PRKD2: variants seen among roughly 807,000 people sequenced by gnomAD.
PRKD2 encodes serine/threonine-protein kinase D2.
Under a neutral mutation model 86.0 loss-of-function variants are expected in PRKD2, and 22 were observed. The observed-to-expected ratio is 0.26, with a 90% confidence interval of 0.18 to 0.37. The LOEUF is 0.37. Ranked by LOEUF, PRKD2 falls within the 10% of genes least tolerant of loss-of-function variation. The probability of loss-of-function intolerance (pLI) is 1.00; values close to 1 mark genes in which losing one functional copy is unlikely to be tolerated. For missense variants in PRKD2, 818 were observed against 1,199.2 expected (o/e 0.68, Z 4.70); for synonymous variants, 509 against 510.9 (o/e 1.00, Z 0.05).
rs576754910 is a variant in PRKD2 at position 46,689,714 on chromosome 19, C to T, written c.1810-16G>A. The T allele has an allele frequency of 8.7e-6, 14 of 1,613,446 alleles. No homozygotes were observed. In the East Asian group the frequency reaches 1.3e-4, roughly 15 times the overall value. ...GCCGCAGGCTCTGCAGGGTGGGGAGCGGGGTCAGGGCCCAGGTAACCCACA... is the reference window on the plus strand; with the variant it reads ...GCCGCAGGCTCTGCAGGGTGGGGAGTGGGGTCAGGGCCCAGGTAACCCACA... On this transcript the variant is annotated splice_polypyrimidine_tract_variant and intron_variant, in intron 13 of 17. Transcript: ENST00000291281.
intron 14 of PRKD2, 49 bp downstream of exon 14, chr19:46,689,488 C>A: frequency 6.4e-7 from 1 of 1,553,102 alleles, no homozygotes. Flanking sequence ...CCTCTCCAAG[C>A]TGACACCTGA....
At position 46,690,591 on chromosome 19, in the gene PRKD2, G is replaced by A; in HGVS notation, c.1809+9C>T. 1.9e-6 allele frequency: 3 copies of A among 1,613,650 alleles called. No individual in the cohort carries two copies. Among genetic ancestry groups the A allele is most frequent in the Non-Finnish European group, 2.5e-6 (3 of 1,179,530 alleles). ...AAGAAGCAGAAAGGGAAGGCGGCCT[G>A]GTGGTTACCTGCAGAATGGCCACTT... On this transcript the variant is annotated intron_variant, in intron 13 of 17. Transcript: ENST00000291281.
rs2053676970 is a variant in PRKD2, at chr19:46,704,186, T to G, written c.872A>C (p.Gln291Pro). The change falls in exon 5 of 18, where the codon CAG becomes CCG. Residue 291 changes from glutamine to proline, a missense_variant. Around this residue, in one of 5 missense-constraint regions of PRKD2, gnomAD observed 403 missense variants for 518.6 expected, o/e 0.78. Coordinates refer to ENST00000291281, the MANE Select transcript of PRKD2 (RefSeq NM_016457.5). ...CKKLLKGLFR[Q>P]GLQCKDCKFN... ...CAGCTAACCTTTGCATTGCAGGCCC[T>G]GCCGGAAGAGGCCCTTGAGGAGTTT... 22 of 1,614,100 alleles carry G rather than the reference T, an allele frequency of 1.4e-5. No homozygotes were observed. The highest frequency in any genetic ancestry group is 1.8e-5 in the Non-Finnish European group (21 of 1,179,988).
intron 2 of PRKD2, among the ~76,000 whole-genome samples, chr19:46,712,103 T>C (rs2053818053): frequency 6.9e-6 from 1 of 145,376 alleles, no homozygotes; most frequent in South Asian, 2.2e-4. Context: ...AGTGTGGTGG[T>C]GCATGCCTGT....
chr19:46,679,111 G>A (rs1171257466), intron 15 of PRKD2, among the ~76,000 whole-genome samples: 2 of 152,140 alleles, frequency 1.3e-5, no homozygotes, highest in African/African-American at 2.4e-5. Context: ...GGGAGGCCAA[G>A]GAAGATGGAT....
At chr19:46,709,727 C>T (rs2053774984) in intron 3 of PRKD2, among the ~76,000 whole-genome samples, 1 of 151,992 alleles carries the variant, frequency 6.6e-6, no homozygotes, top group South Asian at 2.1e-4. Flanking sequence ...GAGAGGTGAT[C>T]CTGCTTGTTC....
intron 7 of PRKD2, among the ~76,000 whole-genome samples, chr19:46,698,257 C>T (rs1341937421): frequency 2.6e-5 from 4 of 152,120 alleles, no homozygotes; most frequent in African/African-American, 9.7e-5. Context: ...TCAACTCCTT[C>T]CCTAACTCCT....
intron 14 of PRKD2, among the ~76,000 whole-genome samples, chr19:46,682,225 C>A (rs962996734): frequency 6.6e-6 from 1 of 152,160 alleles, no homozygotes; most frequent in African/African-American, 2.4e-5. Context: ...CCAGGCTGGT[C>A]TCAAACTCCT....
At chr19:46,715,881 G>A (rs1241819674) in intron 1 of PRKD2, among the ~76,000 whole-genome samples, 1 of 152,180 alleles carries the variant, frequency 6.6e-6, no homozygotes, top group Non-Finnish European at 1.5e-5. Context: ...CCTGTTTGCT[G>A]CAGAAAACAA....
At chr19:46,695,785 C>T (rs1365730303) in intron 9 of PRKD2, among the ~76,000 whole-genome samples, 1 of 152,134 alleles carries the variant, frequency 6.6e-6, no homozygotes, top group Non-Finnish European at 1.5e-5. Context: ...CCCATAAAAC[C>T]AGGTGATGAC....
At chr19:46,710,144 G>A (rs903508933) in intron 3 of PRKD2, among the ~76,000 whole-genome samples, 4 of 151,934 alleles carry the variant, frequency 2.6e-5, no homozygotes, top group African/African-American at 9.7e-5. Flanking sequence ...TGATCCACCC[G>A]CCTCGGCCTC....
At chr19:46,689,440 T>TC in intron 14 of PRKD2, 97 bp downstream of exon 14, 1 of 1,365,654 alleles carries the variant, frequency 7.3e-7, no homozygotes. Flanking sequence ...CTATTGTGAC[T>TC]CCCCCAAGTG....
At chr19:46,697,522 T>C (rs919206801) in intron 8 of PRKD2, among the ~76,000 whole-genome samples, 2 of 136,808 alleles carry the variant, frequency 1.5e-5, no homozygotes, top group East Asian at 4.4e-4. Flanking sequence ...GACCTTGCCC[T>C]GAGCCCCGGG....
At chr19:46,713,803 T>TC in intron 2 of PRKD2, 60 bp downstream of exon 2, 1 of 744,420 alleles carries the variant, frequency 1.3e-6, no homozygotes, top group Non-Finnish European at 1.9e-6. Flanking sequence ...TACCCTCTCC[T>TC]CCCCCAGATG....
chr19:46,686,680 G>A (rs999375953), intron 14 of PRKD2, among the ~76,000 whole-genome samples: 20 of 150,396 alleles, frequency 1.3e-4, no homozygotes, highest in African/African-American at 2.2e-4. Context: ...GGCCAGGCGC[G>A]GTGGCTCACA....
chr19:46,712,013 A>G (rs889561971), intron 2 of PRKD2, among the ~76,000 whole-genome samples: 7 of 151,458 alleles, frequency 4.6e-5, no homozygotes, highest in African/African-American at 1.7e-4. Context: ...GGTTGCCGTG[A>G]GCCAAGATCA....
At chr19:46,675,942 G>A (rs2053194766) in intron 16 of PRKD2, among the ~76,000 whole-genome samples, 1 of 150,858 alleles carries the variant, frequency 6.6e-6, no homozygotes, top group Non-Finnish European at 1.5e-5. Flanking sequence ...GCTAATTTTT[G>A]TATTTTTTGT....
At chr19:46,714,155 C>T (rs965412818) in intron 1 of PRKD2, 154 bp from the exon 2 acceptor site, 8 of 1,345,372 alleles carry the variant, frequency 5.9e-6, no homozygotes, top group Non-Finnish European at 7.7e-6. Context: ...CTCCCAACCC[C>T]AGCGCGAGCC....
At chr19:46,677,958 G>A (rs551344778) in intron 16 of PRKD2, among the ~76,000 whole-genome samples, 145 of 152,196 alleles carry the variant, frequency 9.5e-4, no homozygotes, top group African/African-American at 3.3e-3. Context: ...CCTACCCACC[G>A]GTGCCTCCTT....
Sources: gnomAD v4.1 joint callset for allele counts (sites outside exome capture counted in the v4.1 genomes callset) on GRCh38, gnomAD v4.1.1 for gene constraint, gnomAD v4.1.1 regional missense constraint, MANE v1.5 for transcripts, NCBI Gene and HGNC (gene_info 2026-07-23, HGNC 2026-07-21) for gene names.